GRIA1: variants seen among roughly 807,000 people sequenced by gnomAD.
The protein encoded by GRIA1 is glutamate ionotropic receptor AMPA type subunit 1, also known as glutamate receptor 1.
GRIA1 carries 31 observed loss-of-function variants against 99.2 expected under a neutral mutation model. The observed-to-expected ratio is 0.31, with a 90% CI of 0.23 to 0.42. GRIA1 has a LOEUF of 0.42. Ranked by LOEUF, GRIA1 falls within the 10% of genes least tolerant of loss-of-function variation. The pLI is 1.00. For synonymous variants in GRIA1, 438 were observed against 432.4 expected, an observed-to-expected ratio of 1.01 and a Z score of -0.16; for missense variants, 782 against 1,157.5, an observed-to-expected ratio of 0.68 and a Z score of 4.71.
At chr5:153,781,070 A>G (rs1157218439) in intron 13 of GRIA1, among the ~76,000 whole-genome samples, 1 of 152,146 alleles carries the variant, frequency 6.6e-6, no homozygotes. Context: ...TCCCTGTAAC[A>G]TTTTGTGAAT....
intron 2 of GRIA1, among the ~76,000 whole-genome samples, chr5:153,639,357 C>T (rs1163212050): frequency 2.0e-5 from 3 of 152,336 alleles, no homozygotes; most frequent in Non-Finnish European, 2.9e-5. Flanking sequence ...ACCTGCATCT[C>T]TACTGCTTTC....
chr5:153,749,957 C>T (rs60757040), intron 11 of GRIA1, among the ~76,000 whole-genome samples: 10,495 of 152,172 alleles, frequency 0.069, 1,030 homozygotes, highest in East Asian at 0.53. Flanking sequence ...GTCTAACCTC[C>T]AGCCTTCCAA....
intron 2 of GRIA1, among the ~76,000 whole-genome samples, chr5:153,621,097 A>G (rs904418913): frequency 1.3e-5 from 2 of 152,234 alleles, no homozygotes; most frequent in African/African-American, 2.4e-5. Context: ...GTATTAATAC[A>G]TGCAACCTGA....
At chr5:153,563,647 G>A (rs1280821754) in intron 2 of GRIA1, among the ~76,000 whole-genome samples, 2 of 152,186 alleles carry the variant, frequency 1.3e-5, no homozygotes, top group Non-Finnish European at 2.9e-5. Flanking sequence ...TATTGGTTGT[G>A]GAGCAGATCA....
chr5:153,595,786 C>T (rs976441199), intron 2 of GRIA1, among the ~76,000 whole-genome samples: 6 of 148,432 alleles, frequency 4.0e-5, no homozygotes, highest in Non-Finnish European at 7.4e-5. Flanking sequence ...AATGTAAATA[C>T]GGTCTACATC....
chr5:153,801,952 C>T (rs867446141), intron 14 of GRIA1, among the ~76,000 whole-genome samples: 5 of 79,198 alleles, frequency 6.3e-5, no homozygotes, highest in Admixed American at 1.3e-4. Flanking sequence ...GAAATTGGGG[C>T]GGGGGGGGGC....
intron 14 of GRIA1, among the ~76,000 whole-genome samples, chr5:153,797,344 T>C (rs1489730074): frequency 1.3e-5 from 2 of 152,218 alleles, no homozygotes; most frequent in African/African-American, 4.8e-5. Flanking sequence ...CAAAACACCC[T>C]GGATCCTGTC....
At chr5:153,506,758 G>A (rs1581145244) in intron 2 of GRIA1, among the ~76,000 whole-genome samples, 1 of 152,140 alleles carries the variant, frequency 6.6e-6, no homozygotes, top group East Asian at 1.9e-4. Context: ...TAGTTTATTA[G>A]CTTTGGGAAA....
chr5:153,711,689 G>A (rs143919872), intron 11 of GRIA1, among the ~76,000 whole-genome samples: 1 of 152,012 alleles, frequency 6.6e-6, no homozygotes, highest in East Asian at 1.9e-4. Context: ...CTCAGCCCAA[G>A]GCTCCATTGC....
intron 13 of GRIA1, among the ~76,000 whole-genome samples, chr5:153,789,019 T>C (rs1765142937): frequency 6.6e-6 from 1 of 152,232 alleles, no homozygotes; most frequent in Non-Finnish European, 1.5e-5. Context: ...ATAGTTCTCC[T>C]CCTTAGGAAC....
chr5:153,664,511 C>T (rs1345390956), intron 5 of GRIA1, among the ~76,000 whole-genome samples: 2 of 151,386 alleles, frequency 1.3e-5, no homozygotes, highest in Non-Finnish European at 2.9e-5. Flanking sequence ...CAACCAAAGG[C>T]ACTTTTTTTT....
intron 6 of GRIA1, among the ~76,000 whole-genome samples, chr5:153,674,957 T>G (rs1414533120): frequency 1.8e-4 from 27 of 152,162 alleles, no homozygotes. Flanking sequence ...TCTTGTACCT[T>G]CTTGCTCTGC....
rs70978504 is a variant in GRIA1, at chr5:153,701,619, C to CAAAAAAAA, written c.1452+2562_1452+2569dup. ...CTGGGCGACAAAGCGAGACCCGTCT[C>CAAAAAAAA]AAAAAAAAAAAAAAAAAAAAAAATA... On this transcript the variant is annotated intron_variant, in intron 10 of 15. Coordinates refer to ENST00000285900, the MANE Select transcript of GRIA1 (RefSeq NM_000827.4). Among the ~76,000 whole-genome samples the CAAAAAAAA allele has an allele frequency of 1.3e-3, 52 of 39,404 alleles. 5 individuals are homozygous for CAAAAAAAA. The highest frequency in any genetic ancestry group is 3.7e-3 in the East Asian group (2 of 540). The allele number at this position is 39,404 out of a possible 152,430, so 25.9% of individuals were successfully genotyped here.
chr5:153,590,954 T>C (rs1763921606), intron 2 of GRIA1, among the ~76,000 whole-genome samples: 1 of 152,104 alleles, frequency 6.6e-6, no homozygotes, highest in Admixed American at 6.5e-5. Context: ...TAAATGGGGG[T>C]ATTGTGTTAA....
At position 153,646,947 on chromosome 5, in the gene GRIA1, A is replaced by G. The variant is rs139047509; in HGVS notation, c.240A>G (p.Lys80=). The G allele has an allele frequency of 1.6e-4, 258 of 1,613,892 alleles. No individual in the cohort carries two copies. The East Asian group carries it at 5.1e-3, about 32-fold the overall frequency. Residue 80 remains lysine (K), a synonymous_variant, in exon 3 of 16, where the codon AAA becomes AAG. Transcript: ENST00000285900. ...TTGTAGTCTGTTCCCAGTTCTCCAA[A>G]GGAGTCTATGCCATCTTTGGGTTTT... ...MTYRFCSQFS[K]GVYAIFGFYE... is the part of the protein sequence containing the mutation.
At position 153,586,009 on chromosome 5, in the gene GRIA1, A is replaced by G. The variant is rs189016988; in HGVS notation, c.221-60919A>G. On this transcript the variant is annotated intron_variant, in intron 2 of 15. Coordinates refer to ENST00000285900, the MANE Select transcript of GRIA1 (RefSeq NM_000827.4). Reference sequence around the variant, plus strand: ...TGATTTCAAGCATTTGCCAATTTTCATGATGTAAAGACCTTTACTATGGCT... The same window carrying G: ...TGATTTCAAGCATTTGCCAATTTTCGTGATGTAAAGACCTTTACTATGGCT... Among the ~76,000 whole-genome samples, 27 of 152,224 alleles carry G rather than the reference A, an allele frequency of 1.8e-4. No homozygotes were observed. The East Asian group carries it at 5.2e-3, about 30-fold the overall frequency.
At chr5:153,761,887 A>G (rs1434574835) in intron 11 of GRIA1, among the ~76,000 whole-genome samples, 1 of 152,228 alleles carries the variant, frequency 6.6e-6, no homozygotes, top group Non-Finnish European at 1.5e-5. Context: ...GACCTAGAAT[A>G]CATTATGTTA....
At chr5:153,792,034 G>T (rs1306812740) in intron 13 of GRIA1, among the ~76,000 whole-genome samples, 2 of 152,132 alleles carry the variant, frequency 1.3e-5, no homozygotes, top group Non-Finnish European at 2.9e-5. Flanking sequence ...TAGCTCCAGG[G>T]AACTAATCAT....
At chr5:153,574,028 A>G (rs1380411001) in intron 2 of GRIA1, among the ~76,000 whole-genome samples, 1 of 152,154 alleles carries the variant, frequency 6.6e-6, no homozygotes, top group Non-Finnish European at 1.5e-5. Flanking sequence ...CTGCCTTAAA[A>G]TAAAAACATT....
Sources: gnomAD v4.1 joint callset for allele counts (sites outside exome capture counted in the v4.1 genomes callset) on GRCh38, gnomAD v4.1.1 for gene constraint, MANE v1.5 for transcripts, NCBI Gene and HGNC (gene_info 2026-07-23, HGNC 2026-07-21) for gene names.